Variants in COL13A1 observed in about 807,000 individuals in gnomAD.
COL13A1 encodes the protein collagen alpha-1(XIII) chain.
In COL13A1, 89 loss-of-function variants were observed where a neutral mutation model predicts 130.9. That is an observed-to-expected ratio of 0.68 (90% CI 0.57 to 0.81). COL13A1 has a LOEUF of 0.81. COL13A1 is among the 30% of genes least tolerant of loss of function. COL13A1 has a pLI of 0.00. For synonymous variants in COL13A1, 402 were observed against 341.6 expected, an observed-to-expected ratio of 1.18 and a Z score of -1.95; for missense variants, 879 against 934.6, an observed-to-expected ratio of 0.94 and a Z score of 0.78.
chr10:69,903,824 C>G (rs1420697767), intron 15 of COL13A1, among the ~76,000 whole-genome samples: 1 of 152,154 alleles, frequency 6.6e-6, no homozygotes, highest in Non-Finnish European at 1.5e-5. Context: ...AATCACTGGG[C>G]AAGGATGTCC....
At chr10:69,908,259 G>A (rs555413037) in intron 17 of COL13A1, among the ~76,000 whole-genome samples, 1 of 152,294 alleles carries the variant, frequency 6.6e-6, no homozygotes, top group South Asian at 2.1e-4. Context: ...TAACCACATG[G>A]CTTTATGGGT....
intron 17 of COL13A1, among the ~76,000 whole-genome samples, chr10:69,906,797 C>A (rs2062804970): frequency 6.6e-6 from 1 of 151,944 alleles, no homozygotes; most frequent in African/African-American, 2.4e-5. Context: ...ATGGCGTGAT[C>A]TCGGCTCACT....
intron 2 of COL13A1, chr10:69,829,298 A>T: frequency 1.0e-6 from 1 of 980,514 alleles, no homozygotes; most frequent in Non-Finnish European, 1.2e-6. Context: ...TATTTTTAAC[A>T]TTGATGTATA....
intron 16 of COL13A1, among the ~76,000 whole-genome samples, chr10:69,905,537 C>T (rs917904578): frequency 6.6e-6 from 1 of 152,182 alleles, no homozygotes; most frequent in Non-Finnish European, 1.5e-5. Context: ...TGGGTCTCTA[C>T]CCAAGTGACT....
At chr10:69,877,608 G>T (rs2059694792) in intron 5 of COL13A1, 1 of 180,180 alleles carries the variant, frequency 5.6e-6, no homozygotes, top group Non-Finnish European at 1.2e-5. Flanking sequence ...ACTTAGGTGG[G>T]ATCTTGTTCT....
chr10:69,887,583 C>T (rs1454250801), intron 8 of COL13A1, 92 bp downstream of exon 8: 9 of 1,357,066 alleles, frequency 6.6e-6, no homozygotes, highest in Non-Finnish European at 9.3e-6. Context: ...CGGTTCCACT[C>T]TTTCTCTCCC....
chr10:69,932,703 GT>G, intron 31 of COL13A1, 99 bp downstream of exon 31: 1 of 782,280 alleles, frequency 1.3e-6, no homozygotes, highest in South Asian at 1.5e-5. Flanking sequence ...ACTGCCTGAT[GT>G]TTACGTTTAC....
chr10:69,812,041 C>T (rs1843179382), intron 1 of COL13A1, among the ~76,000 whole-genome samples: 1 of 152,202 alleles, frequency 6.6e-6, no homozygotes, highest in African/African-American at 2.4e-5. Context: ...GCTGTCCTGA[C>T]TCTCTTATCC....
At chr10:69,916,226 G>C (rs1396799696) in intron 17 of COL13A1, among the ~76,000 whole-genome samples, 1 of 152,236 alleles carries the variant, frequency 6.6e-6, no homozygotes, top group East Asian at 1.9e-4. Flanking sequence ...ACTGCAGCCT[G>C]GCCTGGCAGC....
intron 2 of COL13A1, chr10:69,829,184 C>T: frequency 1.0e-6 from 1 of 970,828 alleles, no homozygotes; most frequent in Non-Finnish European, 1.2e-6. Flanking sequence ...AAGTCTCATT[C>T]ATCCCACTCT....
At chr10:69,876,815 A>G (rs2059615912) in intron 5 of COL13A1, among the ~76,000 whole-genome samples, 1 of 152,260 alleles carries the variant, frequency 6.6e-6, no homozygotes, top group South Asian at 2.1e-4. Flanking sequence ...GCCCAAGCCA[A>G]CTGTGGGACC....
intron 1 of COL13A1, among the ~76,000 whole-genome samples, chr10:69,814,192 C>T (rs1438527820): frequency 1.3e-5 from 2 of 152,246 alleles, no homozygotes; most frequent in Non-Finnish European, 2.9e-5. Context: ...GGAGCTTCGT[C>T]TGCTGTGGTC....
rs763599149 is a variant in COL13A1, at chr10:69,927,094, G to A, written c.1406G>A (p.Arg469Gln). The change falls in exon 27 of 41, where the codon CGG becomes CAG. Residue 469 changes from arginine (R) to glutamine (Q), a missense_variant. By Grantham distance (43) the Arg-to-Gln change is conservative. Around this residue, in one of 3 missense-constraint regions of COL13A1, gnomAD observed 715 missense variants for 721.0 expected, o/e 0.99. Transcript: ENST00000645393. Reference sequence around the variant, plus strand: ...CTGGTGTTGGTTTTTTAGGAGATCCGGACGCTGGCCTTGATGGTAAGTTTT... The same window carrying A: ...CTGGTGTTGGTTTTTTAGGAGATCCAGACGCTGGCCTTGATGGTAAGTTTT... The part of the protein sequence containing the change: ...GNINEALQEI[R>Q]TLALMGPPGL... 19 of 1,613,746 alleles carry A rather than the reference G, an allele frequency of 1.2e-5. No individual in the cohort carries two copies. Among genetic ancestry groups the A allele is most frequent in the Admixed American group, 6.7e-5 (4 of 60,000 alleles).
chr10:69,822,560 A>G, intron 2 of COL13A1, 122 bp downstream of exon 2: 2 of 714,914 alleles, frequency 2.8e-6, no homozygotes, highest in South Asian at 5.4e-5. Context: ...GAAAGACAGG[A>G]GTGACAATAT....
chr10:69,917,499 CT>C (rs1330049525), intron 18 of COL13A1, among the ~76,000 whole-genome samples, 166 bp downstream of exon 18: 3 of 152,052 alleles, frequency 2.0e-5, no homozygotes, highest in African/African-American at 7.2e-5. Context: ...TCAGTGCCCC[CT>C]GATGCGGGCG....
chr10:69,901,284 T>TG (rs2062159260), intron 14 of COL13A1, among the ~76,000 whole-genome samples: 1 of 152,196 alleles, frequency 6.6e-6, no homozygotes, highest in African/African-American at 2.4e-5. Flanking sequence ...TCAGAGGGTG[T>TG]GGCAGGATAG....
chr10:69,863,564 G>A (rs913532481), intron 2 of COL13A1, among the ~76,000 whole-genome samples: 2 of 152,118 alleles, frequency 1.3e-5, no homozygotes, highest in Non-Finnish European at 2.9e-5. Context: ...CACTCTTGAT[G>A]CCCCCTGTCC....
chr10:69,930,634 A>G, intron 30 of COL13A1, 82 bp downstream of exon 30: 1 of 1,459,898 alleles, frequency 6.8e-7, no homozygotes, highest in Non-Finnish European at 9.2e-7. Context: ...TGCACTTTGC[A>G]TGATGTGAGC....
intron 15 of COL13A1, 134 bp downstream of exon 15, chr10:69,902,989 A>G: frequency 1.6e-6 from 1 of 632,622 alleles, no homozygotes; most frequent in Non-Finnish European, 2.6e-6. Flanking sequence ...TGGGTGAACC[A>G]TGCAAGGGGC....
Sources: allele counts gnomAD v4.1 joint callset (sites outside exome capture counted in the v4.1 genomes callset), GRCh38; gene constraint gnomAD v4.1.1; regional missense constraint gnomAD v4.1.1; transcripts MANE v1.5; gene names NCBI Gene and HGNC (gene_info 2026-07-23, HGNC 2026-07-21).